Variants in NOP9 observed in about 807,000 individuals in gnomAD.
NOP9 encodes the protein nucleolar protein 9.
NOP9 carries 50 observed loss-of-function variants against 63.0 expected under a neutral mutation model. The observed-to-expected ratio is 0.79, with a 90% CI of 0.63 to 1.00. The LOEUF (loss-of-function observed/expected upper bound fraction) is 1.00. Ranked by LOEUF, NOP9 falls within the 50% of genes least tolerant of loss-of-function variation. The pLI, the probability that NOP9 is intolerant of heterozygous loss-of-function variation, is 0.00. For synonymous variants in NOP9, 343 were observed against 332.8 expected, an observed-to-expected ratio of 1.03 and a Z score of -0.33; for missense variants, 758 against 803.0, an observed-to-expected ratio of 0.94 and a Z score of 0.68.
chr14:24,283,418 G>A, the NOP9 span, among the ~76,000 whole-genome samples: 1 of 149,866 alleles, frequency 6.7e-6, no homozygotes, highest in South Asian at 2.1e-4. Context: ...CCAAAACTCT[G>A]TCTCTACTAA....
the NOP9 span, among the ~76,000 whole-genome samples, chr14:24,277,042 G>A: frequency 6.6e-6 from 1 of 152,086 alleles, no homozygotes; most frequent in South Asian, 2.1e-4. Flanking sequence ...CTGTGGCTGT[G>A]GGGGGGCAGT....
chr14:24,280,673 G>A, the NOP9 span, among the ~76,000 whole-genome samples: 1 of 152,218 alleles, frequency 6.6e-6, no homozygotes, highest in Non-Finnish European at 1.5e-5. Context: ...CTGTCATAGG[G>A]CTTACATTAT....
intron 6 of NOP9, among the ~76,000 whole-genome samples, 186 bp from the exon 7 acceptor site, chr14:24,303,546 G>A (rs1174630300): frequency 1.3e-5 from 2 of 152,180 alleles, no homozygotes; most frequent in African/African-American, 2.4e-5. Context: ...TTATTTAAGG[G>A]ATAAACATTT....
chr14:24,306,060 C>T lies in NOP9; in HGVS notation c.*965C>T. On this transcript the variant is annotated 3_prime_UTR_variant, in exon 10 of 10. Coordinates refer to ENST00000267425, the MANE Select transcript of NOP9 (RefSeq NM_174913.3). ...AGAGGTCTCGAGGGTTTTGCTTGTA[C>T]ACGTCAAAGGTGAATCGGGCGATGT... 6.2e-7 allele frequency: 1 copy of T among 1,614,168 alleles called. No homozygotes were observed. The highest frequency in any genetic ancestry group is 8.5e-7 in the Non-Finnish European group (1 of 1,180,034).
the NOP9 span, among the ~76,000 whole-genome samples, chr14:24,287,098 C>T: frequency 1.3e-5 from 2 of 152,032 alleles, no homozygotes; most frequent in African/African-American, 4.8e-5. Context: ...CCATGTTGGC[C>T]AAGCTGGTCT....
the NOP9 span, among the ~76,000 whole-genome samples, chr14:24,284,457 G>C: frequency 6.6e-6 from 1 of 152,192 alleles, no homozygotes; most frequent in Non-Finnish European, 1.5e-5. Flanking sequence ...GCACAGGCAG[G>C]TGATAGGGCT....
chr14:24,283,928 C>T, the NOP9 span, among the ~76,000 whole-genome samples: 8 of 152,276 alleles, frequency 5.3e-5, no homozygotes, highest in African/African-American at 1.7e-4. Flanking sequence ...TGCTGCTCAA[C>T]ATGGGGCCCA....
the NOP9 span, among the ~76,000 whole-genome samples, chr14:24,280,668 A>G: frequency 1.3e-5 from 2 of 152,276 alleles, no homozygotes; most frequent in African/African-American, 2.4e-5. Context: ...CCCTGCTGTC[A>G]TAGGGCTTAC....
At chr14:24,296,646 G>A, upstream of NOP9, 1 of 1,613,462 alleles carries the variant, frequency 6.2e-7, no homozygotes, top group Admixed American at 1.7e-5. Context: ...TGAGGGGCTG[G>A]GTAATGGAAG....
At chr14:24,274,326 A>T in the NOP9 span, among the ~76,000 whole-genome samples, 823 of 152,298 alleles carry the variant, frequency 5.4e-3, 8 homozygotes, top group African/African-American at 0.019. Flanking sequence ...AGAGGAAGTG[A>T]GTCTCATGAA....
rs770568839 is a variant in NOP9 at position 24,306,475 on chromosome 14, C to T, written c.*1380C>T. On this transcript the variant is annotated 3_prime_UTR_variant, in exon 10 of 10. Coordinates refer to ENST00000267425, the MANE Select transcript of NOP9 (RefSeq NM_174913.3). Reference sequence around the variant, plus strand: ...TCACTGTCCACTGCAGTTCCATCCTCCTCTAGCACCAGGGTTAGCACTCCA... The same window carrying T: ...TCACTGTCCACTGCAGTTCCATCCTTCTCTAGCACCAGGGTTAGCACTCCA... 3.1e-6 allele frequency: 5 copies of T among 1,614,130 alleles called. No homozygotes were observed. The African/African-American group carries it at 5.3e-5, about 17-fold the overall frequency.
At chr14:24,282,424 C>T in the NOP9 span, among the ~76,000 whole-genome samples, 17 of 152,240 alleles carry the variant, frequency 1.1e-4, no homozygotes, top group South Asian at 2.1e-4. Flanking sequence ...AGTGTTTGGG[C>T]GTTGCAGGTG....
At chr14:24,286,230 A>G in the NOP9 span, among the ~76,000 whole-genome samples, 1 of 152,136 alleles carries the variant, frequency 6.6e-6, no homozygotes, top group Non-Finnish European at 1.5e-5. Flanking sequence ...GCATCCCTCA[A>G]GCCAGGGATA....
At chr14:24,279,357 T>A in the NOP9 span, among the ~76,000 whole-genome samples, 1 of 152,378 alleles carries the variant, frequency 6.6e-6, no homozygotes, top group East Asian at 1.9e-4. Flanking sequence ...CCCCAGTTCC[T>A]TCTGAGTCAG....
At chr14:24,285,205 T>A in the NOP9 span, among the ~76,000 whole-genome samples, 2 of 152,220 alleles carry the variant, frequency 1.3e-5, no homozygotes, top group Non-Finnish European at 2.9e-5. Flanking sequence ...CAGCCATGTT[T>A]GGGTCCATAT....
the NOP9 span, among the ~76,000 whole-genome samples, chr14:24,278,879 G>C: frequency 1.3e-5 from 2 of 152,182 alleles, no homozygotes; most frequent in African/African-American, 4.8e-5. Context: ...AATCAGGATG[G>C]TGAGAAGAGC....
intron 7 of NOP9, 55 bp downstream of exon 7, chr14:24,303,912 G>A: frequency 6.2e-7 from 1 of 1,604,200 alleles, no homozygotes; most frequent in South Asian, 1.1e-5. Context: ...GCCTCCCAGG[G>A]TTTAGCAAGC....
the NOP9 span, chr14:24,291,690 A>C: frequency 6.7e-7 from 1 of 1,500,656 alleles, no homozygotes; most frequent in Non-Finnish European, 9.3e-7. Context: ...TCTCCTCCCC[A>C]TTTCAACTTC....
the NOP9 span, among the ~76,000 whole-genome samples, chr14:24,289,647 G>A: frequency 2.0e-5 from 3 of 152,206 alleles, no homozygotes; most frequent in African/African-American, 7.2e-5. Flanking sequence ...CAGTTCCAAA[G>A]GTTCTATACC....
Sources: gnomAD v4.1 joint callset for allele counts (sites outside exome capture counted in the v4.1 genomes callset) on GRCh38, gnomAD v4.1.1 for gene constraint, MANE v1.5 for transcripts, NCBI Gene and HGNC (gene_info 2026-07-23, HGNC 2026-07-21) for gene names.